Variants in B3GALT1 observed in about 807,000 individuals in gnomAD.
B3GALT1 encodes the protein UDP-Gal:betaGlcNAc beta 1,3-galactosyltransferase, polypeptide 1.
A neutral mutation model predicts 23.2 loss-of-function variants in B3GALT1; 10 were observed. That is an observed-to-expected ratio of 0.43 (90% CI 0.27 to 0.73). The LOEUF (loss-of-function observed/expected upper bound fraction) is 0.73, where lower values mean the gene tolerates loss of function less well. Among genes scored for constraint, B3GALT1 ranks in the 30% least tolerant of loss-of-function variants. B3GALT1 has a pLI of 0.21. For missense variants in B3GALT1, 299 were observed against 405.4 expected (o/e 0.74, Z 2.25); for synonymous variants, 156 against 141.5 (o/e 1.10, Z -0.73).
Position 167,548,173 on chromosome 2 carries a change from C to T in B3GALT1, c.-410+57896C>T, listed in dbSNP as rs114177587. 5.2e-3 allele frequency among the ~76,000 whole-genome samples: 791 copies of T among 152,272 alleles called. 9 individuals are homozygous for T. Among genetic ancestry groups the T allele is most frequent in the African/African-American group, 0.018 (755 of 41,560 alleles). Reference sequence around the variant, plus strand: ...GAGAAAAAGCAAGCAGAGAGAAAGACAGCAGTCTTACCAAATGGGTGGCAG... The same window carrying T: ...GAGAAAAAGCAAGCAGAGAGAAAGATAGCAGTCTTACCAAATGGGTGGCAG... On this transcript the variant is annotated intron_variant, in intron 2 of 4. Transcript: ENST00000392690.
intron 3 of B3GALT1, among the ~76,000 whole-genome samples, chr2:167,725,893 T>TA (rs1236578680): frequency 6.6e-6 from 1 of 152,212 alleles, no homozygotes; most frequent in Non-Finnish European, 1.5e-5. Context: ...ACAGTTGACT[T>TA]ATTTCTCTGT....
chr2:167,352,058 C>T (rs1364352458), intron 1 of B3GALT1, among the ~76,000 whole-genome samples: 2 of 147,990 alleles, frequency 1.4e-5, no homozygotes, highest in African/African-American at 5.1e-5. Context: ...CTCCCGGGTT[C>T]AAATGATTCC....
At chr2:167,684,127 T>C (rs73017489) in intron 3 of B3GALT1, among the ~76,000 whole-genome samples, 3,765 of 152,316 alleles carry the variant, frequency 0.025, 140 homozygotes, top group African/African-American at 0.086. Flanking sequence ...ATTAACTGGT[T>C]AGTCTCTCCA....
chr2:167,569,432 C>G (rs186375714), intron 2 of B3GALT1, among the ~76,000 whole-genome samples: 3 of 151,778 alleles, frequency 2.0e-5, no homozygotes, highest in African/African-American at 4.8e-5. Context: ...TATTTGTACC[C>G]AAGTATTTCA....
At chr2:167,571,022 G>A (rs1684285196) in intron 2 of B3GALT1, among the ~76,000 whole-genome samples, 1 of 151,810 alleles carries the variant, frequency 6.6e-6, no homozygotes, top group Non-Finnish European at 1.5e-5. Flanking sequence ...AAACTATTTT[G>A]GAAACTGTTA....
intron 3 of B3GALT1, among the ~76,000 whole-genome samples, chr2:167,778,898 A>T (rs1574258278): frequency 1.3e-5 from 2 of 152,218 alleles, no homozygotes; most frequent in Non-Finnish European, 2.9e-5. Flanking sequence ...GTCAGACCTC[A>T]TTGGAAAGGT....
At chr2:167,605,597 A>T (rs1305047149) in intron 2 of B3GALT1, among the ~76,000 whole-genome samples, 1 of 152,222 alleles carries the variant, frequency 6.6e-6, no homozygotes, top group South Asian at 2.1e-4. Context: ...TGAGAATGAA[A>T]GCTGAAGATA....
intron 2 of B3GALT1, among the ~76,000 whole-genome samples, chr2:167,619,355 T>C (rs930238086): frequency 3.3e-5 from 5 of 152,022 alleles, no homozygotes; most frequent in Admixed American, 1.3e-4. Flanking sequence ...ATTTATAGTA[T>C]GTATATATTA....
chr2:167,375,034 G>C (rs1296610220), intron 1 of B3GALT1, among the ~76,000 whole-genome samples: 1 of 152,090 alleles, frequency 6.6e-6, no homozygotes, highest in Non-Finnish European at 1.5e-5. Flanking sequence ...TAGGGGTCCA[G>C]TTTCATTCTA....
intron 3 of B3GALT1, among the ~76,000 whole-genome samples, chr2:167,708,392 A>G (rs901862603): frequency 2.0e-5 from 3 of 152,196 alleles, no homozygotes; most frequent in African/African-American, 7.2e-5. Context: ...CAGGTGCGGT[A>G]GCTCACGCCT....
Position 167,558,070 on chromosome 2 carries a change from T to C in B3GALT1, c.-410+67793T>C, listed in dbSNP as rs148291836. 42 of 152,310 alleles carry C rather than the reference T, an allele frequency of 2.8e-4. No homozygotes were observed. In the East Asian group the frequency reaches 7.5e-3, roughly 27 times the overall value. 9.4% of individuals were successfully genotyped at this position (152,310 alleles called of 1,614,324 possible). On this transcript the variant is annotated intron_variant, in intron 2 of 4. Transcript: ENST00000392690. ...ACTGAGCCAGGGATAAAAGGAGTAA[T>C]ACTGAGTTCTGGTTAAAACTGAGGT...
chr2:167,528,767 A>C (rs1683267178), intron 2 of B3GALT1, among the ~76,000 whole-genome samples: 1 of 152,148 alleles, frequency 6.6e-6, no homozygotes, highest in South Asian at 2.1e-4. Context: ...TTTTACATCA[A>C]ATAAGGCATT....
At chr2:167,478,033 A>C (rs974490423) in intron 1 of B3GALT1, among the ~76,000 whole-genome samples, 4 of 152,258 alleles carry the variant, frequency 2.6e-5, no homozygotes, top group Non-Finnish European at 5.9e-5. Flanking sequence ...TATACAAAGT[A>C]GATCTTCAAA....
chr2:167,834,494 C>T (rs1357562462), intron 4 of B3GALT1, among the ~76,000 whole-genome samples: 1 of 152,150 alleles, frequency 6.6e-6, no homozygotes, highest in Admixed American at 6.5e-5. Context: ...CTAATAGAGA[C>T]TTCAGTTCTA....
At chr2:167,671,009 T>C (rs1448297776) in intron 3 of B3GALT1, among the ~76,000 whole-genome samples, 2 of 152,152 alleles carry the variant, frequency 1.3e-5, no homozygotes, top group Admixed American at 1.3e-4. Flanking sequence ...TCCATGCAAA[T>C]GACACCCAAA....
At chr2:167,540,568 CA>C (rs2105373505) in intron 2 of B3GALT1, among the ~76,000 whole-genome samples, 1 of 152,160 alleles carries the variant, frequency 6.6e-6, no homozygotes, top group East Asian at 1.9e-4. Context: ...CAAATTCTGC[CA>C]AAAACCTGGT....
chr2:167,818,008 A>G (rs973513179), intron 3 of B3GALT1, among the ~76,000 whole-genome samples: 4 of 152,114 alleles, frequency 2.6e-5, no homozygotes, highest in African/African-American at 9.7e-5. Context: ...AATGAACCAA[A>G]TGTCTTTGCC....
At chr2:167,472,897 G>A (rs909890481) in intron 1 of B3GALT1, among the ~76,000 whole-genome samples, 1 of 152,074 alleles carries the variant, frequency 6.6e-6, no homozygotes, top group African/African-American at 2.4e-5. Context: ...ATACATGTGG[G>A]AGAAGTCTAA....
At chr2:167,582,363 T>G (rs1190866584) in intron 2 of B3GALT1, among the ~76,000 whole-genome samples, 1 of 152,216 alleles carries the variant, frequency 6.6e-6, no homozygotes, top group Non-Finnish European at 1.5e-5. Flanking sequence ...GTTATGAGAC[T>G]GGCTTTGTGG....
Sources: gnomAD v4.1 joint callset for allele counts (sites outside exome capture counted in the v4.1 genomes callset) on GRCh38, gnomAD v4.1.1 for gene constraint, MANE v1.5 for transcripts, NCBI Gene and HGNC (gene_info 2026-07-23, HGNC 2026-07-21) for gene names.